Variants in NSG1 observed in about 807,000 individuals in gnomAD.
NSG1 encodes the protein neuronal vesicle trafficking-associated protein 1.
Under a neutral mutation model 19.3 loss-of-function variants are expected in NSG1, and 9 were observed. That is an observed-to-expected ratio of 0.47 (90% CI 0.28 to 0.81). The LOEUF is 0.81. NSG1 is among the 40% of genes least tolerant of loss of function. The pLI is 0.11. For synonymous variants in NSG1, 104 were observed against 107.0 expected, an observed-to-expected ratio of 0.97 and a Z score of 0.17; for missense variants, 236 against 242.4, an observed-to-expected ratio of 0.97 and a Z score of 0.18.
intron 2 of NSG1, 66 bp from the exon 3 acceptor site, chr4:4,391,409 A>G: frequency 9.3e-7 from 1 of 1,071,910 alleles, no homozygotes; most frequent in Non-Finnish European, 1.4e-6. Flanking sequence ...GAGTTCCCAG[A>G]CCCACCCTCT....
Position 4,417,561 on chromosome 4 carries a change from G to A in NSG1, c.*126G>A. On this transcript the variant is annotated 3_prime_UTR_variant, in exon 5 of 5. Coordinates refer to ENST00000621129, the MANE Select transcript of NSG1 (RefSeq NM_014392.5). ...ATTTACGGTGCAATTGCTTCTGTTTGCTAATGCTGCTTTGCAAATAAAACT... is the reference window on the plus strand; with the variant it reads ...ATTTACGGTGCAATTGCTTCTGTTTACTAATGCTGCTTTGCAAATAAAACT... 10 of 933,312 alleles carry A rather than the reference G, an allele frequency of 1.1e-5. 1 individual carries two copies. The highest frequency in any genetic ancestry group is 3.2e-6 in the Non-Finnish European group (2 of 625,658). 57.8% of individuals were successfully genotyped at this position (933,312 alleles called of 1,614,324 possible). A position where few individuals can be genotyped will look rare whatever the true frequency, so the allele number is the denominator to read the frequency against.
chr4:4,402,676 TG>T (rs1177265833), intron 3 of NSG1, among the ~76,000 whole-genome samples: 15 of 152,314 alleles, frequency 9.8e-5, no homozygotes, highest in Non-Finnish European at 2.1e-4. Flanking sequence ...GCCTGAGCCA[TG>T]GTGCCCGGCC....
At chr4:4,389,340 C>G (rs1024970833) in intron 2 of NSG1, among the ~76,000 whole-genome samples, 3 of 152,164 alleles carry the variant, frequency 2.0e-5, no homozygotes, top group African/African-American at 7.2e-5. Flanking sequence ...TGCAAGCGTC[C>G]GAAGCGGGGC....
intron 3 of NSG1, among the ~76,000 whole-genome samples, chr4:4,409,022 CTTAA>C (rs911760651): frequency 3.5e-4 from 54 of 152,384 alleles, no homozygotes; most frequent in African/African-American, 1.1e-3. Flanking sequence ...CCTGAGGACA[CTTAA>C]TTAACCACAT....
chr4:4,391,640 G>T (rs767081446), intron 3 of NSG1, 49 bp downstream of exon 3: 2 of 1,317,930 alleles, frequency 1.5e-6, no homozygotes, highest in Non-Finnish European at 2.1e-6. Context: ...CCCAGAAGGG[G>T]TCTGCTGAGC....
intron 3 of NSG1, among the ~76,000 whole-genome samples, chr4:4,398,476 A>C (rs1428654665): frequency 6.6e-6 from 1 of 151,960 alleles, no homozygotes; most frequent in Non-Finnish European, 1.5e-5. Flanking sequence ...TTAGCCACAA[A>C]TCTGTTTTGT....
intron 3 of NSG1, 37 bp from the exon 4 acceptor site, chr4:4,409,536 T>G (rs1724055376): frequency 6.5e-7 from 1 of 1,529,408 alleles, no homozygotes; most frequent in Non-Finnish European, 9.1e-7. Flanking sequence ...TCCTGCTGCC[T>G]TCCGGCCACC....
chr4:4,406,545 C>T (rs1247458585), intron 3 of NSG1, among the ~76,000 whole-genome samples: 1 of 152,182 alleles, frequency 6.6e-6, no homozygotes, highest in Non-Finnish European at 1.5e-5. Flanking sequence ...CCCGGGTGAA[C>T]ATGCGACGGG....
chr4:4,411,974 G>T (rs541763973), intron 4 of NSG1, among the ~76,000 whole-genome samples: 5 of 152,218 alleles, frequency 3.3e-5, no homozygotes, highest in East Asian at 1.9e-4. Context: ...GTATGTAATT[G>T]TATGTGCAAG....
intron 1 of NSG1, 60 bp from the exon 2 acceptor site, chr4:4,387,544 T>TGG: frequency 9.6e-6 from 5 of 520,912 alleles, no homozygotes; most frequent in Non-Finnish European, 3.5e-6. Flanking sequence ...GGTGCCCACT[T>TGG]CCCCCCCGCC....
intron 1 of NSG1, 31 bp from the exon 2 acceptor site, chr4:4,387,573 G>C: frequency 8.5e-7 from 1 of 1,177,802 alleles, no homozygotes; most frequent in Non-Finnish European, 1.2e-6. Context: ...GGTCTTGCTT[G>C]TGGTGACTCC....
chr4:4,393,428 CTG>C (rs1284538895), intron 3 of NSG1, among the ~76,000 whole-genome samples: 10 of 152,298 alleles, frequency 6.6e-5, no homozygotes, highest in South Asian at 2.1e-4. Flanking sequence ...GGCTGGGACT[CTG>C]TGGTTACCTG....
intron 1 of NSG1, 43 bp from the exon 2 acceptor site, chr4:4,387,561 C>CCGGG: frequency 6.0e-5 from 68 of 1,141,824 alleles, no homozygotes; most frequent in East Asian, 8.0e-5. Flanking sequence ...CGCCCCGCCC[C>CCGGG]GGGTCTTGCT....
chr4:4,395,952 T>A (rs1439935060), intron 3 of NSG1, among the ~76,000 whole-genome samples: 2 of 152,186 alleles, frequency 1.3e-5, no homozygotes, highest in Admixed American at 1.3e-4. Context: ...GATTAATCTC[T>A]TGGCTGTGAG....
chr4:4,399,066 G>T (rs1187134515), intron 3 of NSG1, among the ~76,000 whole-genome samples: 3 of 152,066 alleles, frequency 2.0e-5, no homozygotes, highest in African/African-American at 7.2e-5. Context: ...TCATGTACTT[G>T]TTGGCCATTT....
intron 3 of NSG1, among the ~76,000 whole-genome samples, chr4:4,393,540 T>C (rs1202501899): frequency 6.6e-6 from 1 of 152,212 alleles, no homozygotes; most frequent in Non-Finnish European, 1.5e-5. Context: ...CTCATCTCCC[T>C]GCCTCTACCT....
intron 3 of NSG1, among the ~76,000 whole-genome samples, chr4:4,400,206 A>G (rs1264728906): frequency 6.6e-6 from 1 of 152,236 alleles, no homozygotes; most frequent in African/African-American, 2.4e-5. Context: ...GCATTGTTGA[A>G]GAGACTGTTC....
chr4:4,391,570 G>T lies in NSG1; in HGVS notation c.225G>T (p.Glu75Asp). ...CTGAGTTCACCGTCAGCATCACGGA[G>T]GGTGTCACCGAGAGGTTTAAGGTGA... ...QIAEFTVSIT[E>D]GVTERFKVSV... Residue 75 changes from glutamate to aspartate, a missense_variant, in exon 3 of 5, where the codon GAG (glutamate) becomes GAT (aspartate). By Grantham distance (45) the Glu-to-Asp change is conservative (BLOSUM62 2). Transcript: ENST00000621129. 1 of 1,611,632 alleles carries T rather than the reference G, an allele frequency of 6.2e-7. No individual in the cohort carries two copies. The highest frequency in any genetic ancestry group is 1.1e-5 in the South Asian group (1 of 90,944).
intron 3 of NSG1, among the ~76,000 whole-genome samples, chr4:4,393,848 C>A (rs916878133): frequency 2.0e-5 from 3 of 152,158 alleles, no homozygotes; most frequent in African/African-American, 7.2e-5. Flanking sequence ...TCCCAGACCC[C>A]ATCCCTTCCA....
Sources: gnomAD v4.1 joint callset for allele counts (sites outside exome capture counted in the v4.1 genomes callset) on GRCh38, gnomAD v4.1.1 for gene constraint, MANE v1.5 for transcripts, NCBI Gene and HGNC (gene_info 2026-07-23, HGNC 2026-07-21) for gene names.